The following PRKN variants were observed in gnomAD, a reference collection of about 807,000 sequenced individuals.
The protein encoded by PRKN is E3 ubiquitin-protein ligase parkin.
A neutral mutation model predicts 59.5 loss-of-function variants in PRKN; 56 were observed. That is an observed-to-expected ratio of 0.94 (90% confidence interval 0.76 to 1.18). PRKN has a LOEUF of 1.18. Ranked by LOEUF, PRKN falls within the 50% of genes most tolerant of loss-of-function variation. The probability of loss-of-function intolerance (pLI) is 0.00; values close to 1 mark genes in which losing one functional copy is unlikely to be tolerated. For missense variants in PRKN, 657 were observed against 596.4 expected, an observed-to-expected ratio of 1.10 and a Z score of -1.06; for synonymous variants, 250 against 222.1, an observed-to-expected ratio of 1.13 and a Z score of -1.12.
chr6:162,001,036 T>C (rs955333614), intron 5 of PRKN, among the ~76,000 whole-genome samples: 1 of 152,088 alleles, frequency 6.6e-6, no homozygotes, highest in Non-Finnish European at 1.5e-5. Flanking sequence ...ACTGTTTTGA[T>C]TACTGTAGTT....
At chr6:161,887,402 G>A (rs9355947) in intron 6 of PRKN, among the ~76,000 whole-genome samples, 85,266 of 152,040 alleles carry the variant, frequency 0.56, 24,860 homozygotes, top group African/African-American at 0.72. Context: ...AATGCAGTAG[G>A]CTTTCCTCTG....
chr6:161,658,626 G>C (rs1466978539), intron 7 of PRKN, among the ~76,000 whole-genome samples: 1 of 152,248 alleles, frequency 6.6e-6, no homozygotes, highest in South Asian at 2.1e-4. Flanking sequence ...ATTTATCAGA[G>C]GTGGAGCTTG....
At chr6:161,968,249 G>A (rs1780660545) in intron 6 of PRKN, among the ~76,000 whole-genome samples, 1 of 146,236 alleles carries the variant, frequency 6.8e-6, no homozygotes, top group Admixed American at 7.0e-5. Context: ...TGTTGGCCAT[G>A]GCTGCTCTCA....
At chr6:162,627,980 T>TA (rs1217624935) in intron 1 of PRKN, among the ~76,000 whole-genome samples, 12 of 152,046 alleles carry the variant, frequency 7.9e-5, no homozygotes, top group African/African-American at 2.4e-4. Context: ...ACTCGAGTGA[T>TA]AGAGCCAATG....
chr6:161,537,533 GCT>G, intron 9 of PRKN, among the ~76,000 whole-genome samples: 1 of 151,398 alleles, frequency 6.6e-6, no homozygotes, highest in Non-Finnish European at 1.5e-5. Context: ...CTCACTGCAA[GCT>G]CTGCCTCCCA....
At chr6:162,471,616 TTC>T (rs1791753956) in intron 1 of PRKN, among the ~76,000 whole-genome samples, 2 of 152,358 alleles carry the variant, frequency 1.3e-5, no homozygotes, top group African/African-American at 4.8e-5. Context: ...TAGATATGTT[TTC>T]TGAGTTTTTA....
intron 9 of PRKN, among the ~76,000 whole-genome samples, chr6:161,415,501 T>G (rs1787796298): frequency 6.7e-6 from 1 of 150,314 alleles, no homozygotes; most frequent in African/African-American, 2.5e-5. Context: ...TGCGGCAGAG[T>G]GATTGTTCCA....
chr6:162,699,774 T>A (rs1217264674), intron 1 of PRKN, among the ~76,000 whole-genome samples: 1 of 152,066 alleles, frequency 6.6e-6, no homozygotes, highest in Non-Finnish European at 1.5e-5. Flanking sequence ...TCTCCCGGTC[T>A]CTCAATCATC....
chr6:161,881,683 C>T (rs369981652), intron 6 of PRKN, among the ~76,000 whole-genome samples: 9 of 152,282 alleles, frequency 5.9e-5, no homozygotes, highest in African/African-American at 1.9e-4. Flanking sequence ...ATTTCACAGA[C>T]TATACACCTA....
chr6:161,398,830 G>T (rs116330781), intron 9 of PRKN, among the ~76,000 whole-genome samples: 246 of 152,228 alleles, frequency 1.6e-3, no homozygotes, highest in African/African-American at 5.2e-3. Flanking sequence ...GGTGCAGGTT[G>T]TAGTGAGGAG....
chr6:162,204,790 G>A (rs1049541872), intron 3 of PRKN, among the ~76,000 whole-genome samples: 33 of 150,928 alleles, frequency 2.2e-4, no homozygotes, highest in Non-Finnish European at 4.3e-4. Flanking sequence ...GTGAGTCACC[G>A]TGGCCATTCA....
chr6:162,613,194 AG>A (rs1228826463), intron 1 of PRKN, among the ~76,000 whole-genome samples: 3 of 152,220 alleles, frequency 2.0e-5, no homozygotes, highest in Non-Finnish European at 4.4e-5. Flanking sequence ...CCAAAACTCA[AG>A]GTTCAGCCAT....
At chr6:162,228,183 A>G (rs564141727) in intron 3 of PRKN, among the ~76,000 whole-genome samples, 1 of 152,326 alleles carries the variant, frequency 6.6e-6, no homozygotes, top group South Asian at 2.1e-4. Context: ...CTACTGAAGC[A>G]GGTATGCTTT....
intron 2 of PRKN, among the ~76,000 whole-genome samples, chr6:162,353,561 T>C (rs1443134638): frequency 6.6e-6 from 1 of 152,140 alleles, no homozygotes; most frequent in East Asian, 1.9e-4. Flanking sequence ...TTTTGAAGAA[T>C]ATTAAAGGTA....
At chr6:162,501,464 C>T (rs1057353180) in intron 1 of PRKN, among the ~76,000 whole-genome samples, 1 of 151,384 alleles carries the variant, frequency 6.6e-6, no homozygotes, top group African/African-American at 2.4e-5. Context: ...TCTAGTGCCT[C>T]AGCCTCCCGA....
At position 161,584,130 on chromosome 6, in the gene PRKN, A is replaced by C. The variant is rs1223982951; in HGVS notation, c.872-14714T>G. Reference sequence around the variant, plus strand: ...TATTCATCTCTTCTTCCTTCCTGAGATGAAGCTTGGCATCACTCCACTCTG... The same window carrying C: ...TATTCATCTCTTCTTCCTTCCTGAGCTGAAGCTTGGCATCACTCCACTCTG... On this transcript the variant is annotated intron_variant, in intron 7 of 11. Coordinates refer to ENST00000366898, the MANE Select transcript of PRKN (RefSeq NM_004562.3). This position sits in a 1 kb window ranked among gnomAD's most constrained non-coding sequence, Gnocchi z 4.8. 2.0e-5 allele frequency among the ~76,000 whole-genome samples: 3 copies of C among 152,152 alleles called. No individual in the cohort carries two copies. The highest frequency in any genetic ancestry group is 4.4e-5 in the Non-Finnish European group (3 of 68,036).
intron 1 of PRKN, among the ~76,000 whole-genome samples, chr6:162,486,790 C>T (rs1046089439): frequency 6.6e-6 from 1 of 152,080 alleles, no homozygotes; most frequent in South Asian, 2.1e-4. Flanking sequence ...TAGATTTTGG[C>T]CAGGCGTGGT....
chr6:162,400,200 C>T (rs2205626), intron 2 of PRKN, among the ~76,000 whole-genome samples: 37,116 of 151,078 alleles, frequency 0.25, 4,566 homozygotes, highest in African/African-American at 0.27. Context: ...GAGCAAGACT[C>T]TGTCTCAAGA....
chr6:162,646,440 T>A (rs1483798350), intron 1 of PRKN, among the ~76,000 whole-genome samples: 1 of 151,882 alleles, frequency 6.6e-6, no homozygotes, highest in Non-Finnish European at 1.5e-5. Context: ...GCTTGGCTAA[T>A]TTTTTTATTA....
Sources: allele counts gnomAD v4.1 joint callset (sites outside exome capture counted in the v4.1 genomes callset), GRCh38; gene constraint gnomAD v4.1.1; non-coding constraint Gnocchi (gnomAD v3.1); transcripts MANE v1.5; gene names NCBI Gene and HGNC (gene_info 2026-07-23, HGNC 2026-07-21).